The following PSMA8 variants were observed in gnomAD, a reference collection of about 807,000 sequenced individuals.
PSMA8 encodes proteasome 20S subunit alpha 8, also known as proteasome subunit alpha-type 8.
In PSMA8, 18 loss-of-function variants were observed where a neutral mutation model predicts 32.4. The observed-to-expected ratio is 0.56, with a 90% CI of 0.38 to 0.82. The LOEUF is 0.82. Among genes scored for constraint, PSMA8 ranks in the 40% least tolerant of loss-of-function variants. The pLI is 0.00. For missense variants in PSMA8, 298 were observed against 300.7 expected (o/e 0.99, Z 0.07); for synonymous variants, 104 against 98.1 (o/e 1.06, Z -0.36).
chr18:26,175,579 G>C (rs1201633291), intron 4 of PSMA8, among the ~76,000 whole-genome samples: 1 of 152,216 alleles, frequency 6.6e-6, no homozygotes, highest in African/African-American at 2.4e-5. Context: ...TCCCAAGGGA[G>C]TTAAGAGCTG....
At chr18:26,181,916 G>T (rs886069178) in intron 6 of PSMA8, among the ~76,000 whole-genome samples, 3 of 147,110 alleles carry the variant, frequency 2.0e-5, no homozygotes, top group Non-Finnish European at 4.5e-5. Flanking sequence ...AGAGTGAGAC[G>T]CCATCTGAAA....
chr18:26,164,620 T>C (rs752182012), intron 4 of PSMA8, among the ~76,000 whole-genome samples: 1 of 152,088 alleles, frequency 6.6e-6, no homozygotes, highest in Non-Finnish European at 1.5e-5. Flanking sequence ...ATTTCAAAAA[T>C]GTTAATGTTA....
chr18:26,158,690 C>T (rs1447103), intron 4 of PSMA8, among the ~76,000 whole-genome samples: 40,089 of 152,078 alleles, frequency 0.26, 9,492 homozygotes, highest in African/African-American at 0.63. Context: ...TGTGCTAGTA[C>T]GTAGCAATGA....
intron 6 of PSMA8, among the ~76,000 whole-genome samples, chr18:26,188,932 A>G (rs1246479072): frequency 6.6e-6 from 1 of 152,196 alleles, no homozygotes; most frequent in East Asian, 1.9e-4. Flanking sequence ...GTCTGCGCAA[A>G]ATATTCTTGA....
chr18:26,164,904 T>TTTTTG (rs542729116), intron 4 of PSMA8, among the ~76,000 whole-genome samples: 19 of 152,016 alleles, frequency 1.2e-4, no homozygotes, highest in Admixed American at 3.3e-4. Context: ...GTTTTTGGTT[T>TTTTTG]TTTTGTTTTG....
chr18:26,184,400 A>G (rs1312459015), intron 6 of PSMA8, among the ~76,000 whole-genome samples: 1 of 150,314 alleles, frequency 6.7e-6, no homozygotes, highest in African/African-American at 2.5e-5. Flanking sequence ...TATGAGGAGA[A>G]GTGAGTTTGT....
intron 4 of PSMA8, among the ~76,000 whole-genome samples, chr18:26,169,708 G>T (rs1181204937): frequency 7.7e-6 from 1 of 129,250 alleles, no homozygotes. Context: ...TTAGCCGGGC[G>T]TGGTGGCGCG....
At position 26,146,667 on chromosome 18, in the gene PSMA8, C is replaced by A. The variant is rs1211887776; in HGVS notation, c.229+1982C>A. ...AGTCCCAGCTACTTGGGAGGCTGGG[C>A]TGGGAAGATCCATTGAACCCAGCAG... On this transcript the variant is annotated intron_variant, in intron 2 of 6. Coordinates refer to ENST00000415576, the MANE Select transcript of PSMA8 (RefSeq NM_001025096.2). 2.0e-5 allele frequency among the ~76,000 whole-genome samples: 3 copies of A among 152,148 alleles called. No homozygotes were observed. In the East Asian group the frequency reaches 5.8e-4, roughly 29 times the overall value.
intron 1 of PSMA8, among the ~76,000 whole-genome samples, chr18:26,135,882 T>C (rs2054907692): frequency 6.6e-6 from 1 of 152,348 alleles, no homozygotes; most frequent in Non-Finnish European, 1.5e-5. Flanking sequence ...GTCTCAGAAT[T>C]CTGAAATTAT....
chr18:26,159,104 A>G (rs931114123), intron 4 of PSMA8, among the ~76,000 whole-genome samples: 5 of 152,290 alleles, frequency 3.3e-5, no homozygotes, highest in Non-Finnish European at 7.3e-5. Context: ...ACAGAATCCA[A>G]TATAACTGAT....
At chr18:26,191,903 C>G (rs895481065) in intron 6 of PSMA8, among the ~76,000 whole-genome samples, 1 of 152,196 alleles carries the variant, frequency 6.6e-6, no homozygotes, top group Non-Finnish European at 1.5e-5. Flanking sequence ...ATTATCTTTT[C>G]CCATTTCATT....
intron 4 of PSMA8, among the ~76,000 whole-genome samples, chr18:26,166,130 A>T (rs1365525200): frequency 1.3e-5 from 2 of 152,096 alleles, no homozygotes; most frequent in Non-Finnish European, 2.9e-5. Flanking sequence ...AGAAAAGAAA[A>T]GAAAAACTGC....
chr18:26,141,107 C>A (rs530579898), intron 1 of PSMA8, among the ~76,000 whole-genome samples: 1 of 151,972 alleles, frequency 6.6e-6, no homozygotes, highest in Admixed American at 6.6e-5. Context: ...ATAACCAAAT[C>A]TTGGTATTAT....
intron 2 of PSMA8, among the ~76,000 whole-genome samples, chr18:26,151,466 T>C (rs1448585606): frequency 1.3e-5 from 2 of 152,240 alleles, no homozygotes; most frequent in Non-Finnish European, 2.9e-5. Context: ...ATTTTAGCAT[T>C]CTTCATTTTC....
chr18:26,134,272 C>T (rs151092796), intron 1 of PSMA8, among the ~76,000 whole-genome samples: 1 of 151,846 alleles, frequency 6.6e-6, no homozygotes, highest in Non-Finnish European at 1.5e-5. Context: ...GTAGATTTCC[C>T]CTATCTCTGC....
In PSMA8 at chr18:26,179,093, T is replaced by C. The variant is rs2055287870; in HGVS notation, c.623T>C (p.Ile208Thr). The C allele has an allele frequency of 6.2e-6, 10 of 1,612,954 alleles. No individual in the cohort carries two copies. The highest frequency in any genetic ancestry group is 8.5e-6 in the Non-Finnish European group (10 of 1,179,388). ...GTTGTCCAGTCTGGTGGAAAAAACA[T>C]TGAACTTGCTATAATAAGAAGAAAT... ...LEVVQSGGKNIELAIIRRNQP... is the reference protein window; with the variant it reads ...LEVVQSGGKNTELAIIRRNQP... Residue 208 changes from isoleucine to threonine, a missense_variant, in exon 6 of 7, where the codon ATT (isoleucine) becomes ACT (threonine). By Grantham distance (89) the Ile-to-Thr change is moderately conservative. Coordinates refer to ENST00000415576, the MANE Select transcript of PSMA8 (RefSeq NM_001025096.2).
At chr18:26,165,405 A>C (rs1055777512) in intron 4 of PSMA8, among the ~76,000 whole-genome samples, 2 of 152,246 alleles carry the variant, frequency 1.3e-5, no homozygotes, top group African/African-American at 4.8e-5. Flanking sequence ...GTGCGGTGTT[A>C]GTTGTTCGTT....
intron 2 of PSMA8, among the ~76,000 whole-genome samples, chr18:26,151,224 T>C (rs1478566981): frequency 6.6e-6 from 1 of 152,180 alleles, no homozygotes; most frequent in Non-Finnish European, 1.5e-5. Flanking sequence ...ATTTTGTGAG[T>C]GCACTTTCTT....
chr18:26,170,658 A>G, intron 4 of PSMA8: 1 of 1,133,688 alleles, frequency 8.8e-7, no homozygotes, highest in Non-Finnish European at 1.2e-6. Flanking sequence ...AACCTTTTCT[A>G]ATGTAAAAAT....
Sources: allele counts gnomAD v4.1 joint callset (sites outside exome capture counted in the v4.1 genomes callset), GRCh38; gene constraint gnomAD v4.1.1; transcripts MANE v1.5; gene names NCBI Gene and HGNC (gene_info 2026-07-23, HGNC 2026-07-21).